MAGEB16: variants seen among roughly 807,000 people sequenced by gnomAD.
MAGEB16 encodes the protein MAGE family member B16.
For missense variants in MAGEB16, 217 were observed against 234.0 expected (o/e 0.93, Z 0.47); for synonymous variants, 95 against 92.1 (o/e 1.03, Z -0.18).
chrX:35,798,466 C>T (rs1934832270), intron 1 of MAGEB16, 48 bp downstream of exon 1: 1 of 111,504 alleles, frequency 9.0e-6, no homozygotes, highest in African/African-American at 3.3e-5. Flanking sequence ...AGATAAGAGC[C>T]CCAGGCCCTG....
intron 1 of MAGEB16, chrX:35,800,708 C>A: frequency 2.2e-6 from 1 of 459,137 alleles, no homozygotes; most frequent in South Asian, 3.2e-5. Context: ...ATTTCCTGTT[C>A]AGTGAACTCA....
chrX:35,802,131 G>T, exon 2 of MAGEB16: 1 of 1,182,354 alleles, frequency 8.5e-7, no homozygotes, highest in Non-Finnish European at 1.1e-6. Context: ...TCTCCCTTAG[G>T]CAGTGATTCT....
At position 35,802,924 on chromosome X, in the gene MAGEB16, T is replaced by C. The variant is rs202245049; in HGVS notation, c.728T>C (p.Phe243Ser). The change falls in exon 2 of 2, where the codon TTT becomes TCT. Residue 243 changes from phenylalanine (F) to serine (S), a missense_variant. Coordinates refer to ENST00000399988, the Ensembl canonical transcript of MAGEB16. ...TATTCTGGGAAGAAGCACTTCATCT[T>C]TGGAGAGCCCAGAATGCTCATCACC... 630 of 1,210,312 alleles carry C rather than the reference T, an allele frequency of 5.2e-4. No homozygotes were observed. Among genetic ancestry groups the C allele is most frequent in the Non-Finnish European group, 6.4e-4 (575 of 895,360 alleles).
intron 1 of MAGEB16, chrX:35,798,675 G>A (rs1233096703): frequency 8.9e-6 from 1 of 111,820 alleles, no homozygotes; most frequent in African/African-American, 3.3e-5. Context: ...GAACATTGGC[G>A]GACACACTGA....
chrX:35,802,080 G>A (rs1038716122), intron 1 of MAGEB16, 51 bp from the exon 2 acceptor site: 22 of 938,297 alleles, frequency 2.3e-5, no homozygotes, highest in Middle Eastern at 5.4e-4. Flanking sequence ...CAGAGCTACC[G>A]CAGTTGAGTT....
At chrX:35,799,076 G>T (rs1400617052) in intron 1 of MAGEB16, among the ~76,000 whole-genome samples, 1 of 105,372 alleles carries the variant, frequency 9.5e-6, no homozygotes, top group Admixed American at 1.0e-4. Context: ...TAGAGACGGG[G>T]TTTCACCGTT....
At chrX:35,803,466 G>T in exon 2 of MAGEB16, 1 of 234,050 alleles carries the variant, frequency 4.3e-6, no homozygotes, top group Non-Finnish European at 8.1e-6. Flanking sequence ...CTTAAGTTTT[G>T]AATAATATTG....
chrX:35,799,176 C>T (rs2073976719), intron 1 of MAGEB16, among the ~76,000 whole-genome samples: 1 of 110,043 alleles, frequency 9.1e-6, no homozygotes, highest in Non-Finnish European at 1.9e-5. Context: ...GCCACTGCGC[C>T]CGGCCTCTGA....
chrX:35,802,782 G>A, exon 2 of MAGEB16: 1 of 1,211,425 alleles, frequency 8.3e-7, no homozygotes, highest in Admixed American at 2.2e-5. Context: ...GATGCTGAGT[G>A]GTGAAAAGGG....
At chrX:35,802,514 G>A in exon 2 of MAGEB16, 3 of 1,211,349 alleles carry the variant, frequency 2.5e-6, no homozygotes, top group South Asian at 3.5e-5. Context: ...CAGACCCCAG[G>A]AATGTGCCCG....
chrX:35,803,388 T>C, exon 2 of MAGEB16: 1 of 334,233 alleles, frequency 3.0e-6, no homozygotes, highest in Non-Finnish European at 5.3e-6. Flanking sequence ...TTTATTCTTT[T>C]ATTTTTTAAT....
chrX:35,803,206 G>T (rs777240463), exon 2 of MAGEB16: 54 of 1,105,087 alleles, frequency 4.9e-5, no homozygotes, highest in Non-Finnish European at 6.2e-5. Flanking sequence ...GCCACTGTGA[G>T]TTCCAGTGCT....
chrX:35,799,283 T>C (rs1309135322), intron 1 of MAGEB16, among the ~76,000 whole-genome samples: 1 of 111,002 alleles, frequency 9.0e-6, no homozygotes. Context: ...AGGCGTTTGC[T>C]CATTTCCTTT....
At chrX:35,800,758 C>T (rs762197916) in intron 1 of MAGEB16, among the ~76,000 whole-genome samples, 9 of 111,218 alleles carry the variant, frequency 8.1e-5, no homozygotes, top group Non-Finnish European at 1.7e-4. Flanking sequence ...GATATCAGGT[C>T]CCAGATGCTT....
In MAGEB16 at chrX:35,803,026, G is replaced by A. The variant is rs373145014; in HGVS notation, c.830G>A (p.Trp277Ter). 10 of 1,210,359 alleles carry A rather than the reference G, an allele frequency of 8.3e-6. No individual in the cohort carries two copies. The highest frequency in any genetic ancestry group is 1.1e-5 in the Non-Finnish European group (10 of 895,279). ...GATCCTGCACGATATGAATTCCTGT[G>A]GGGCCCAAGAGCCAAAGCTGAAACC... The change falls in exon 2 of 2, where the codon TGG becomes TAG. Residue 277 changes from tryptophan (W) to a stop codon, truncating the protein, a stop_gained. Coordinates refer to ENST00000399988, the Ensembl canonical transcript of MAGEB16. LOFTEE classifies it low-confidence loss of function (END_TRUNC).
intron 1 of MAGEB16, among the ~76,000 whole-genome samples, chrX:35,801,051 G>A (rs1409653439): frequency 2.7e-5 from 3 of 111,604 alleles, no homozygotes; most frequent in Non-Finnish European, 3.8e-5. Flanking sequence ...CACTGGGCAG[G>A]GATCATGTGA....
Position 35,802,066 on chromosome X carries a change from C to T in MAGEB16, c.-66-65C>T, listed in dbSNP as rs770544215. The T allele has an allele frequency of 6.1e-5, 49 of 796,844 alleles. No homozygotes were observed. The African/African-American group carries it at 9.6e-4, about 16-fold the overall frequency. The allele number at this position is 796,844 out of a possible 1,213,427, so 65.7% of individuals were successfully genotyped here. On this transcript the variant is annotated intron_variant, in intron 1 of 1. Transcript: ENST00000399988. Reference sequence around the variant, plus strand: ...AGGAGAAGTCTATAGGCAGTGGCTTCCATCAGAGCTACCGCAGTTGAGTTT... The same window carrying T: ...AGGAGAAGTCTATAGGCAGTGGCTTTCATCAGAGCTACCGCAGTTGAGTTT...
exon 2 of MAGEB16, chrX:35,802,631 A>G (rs1244344564): frequency 5.0e-6 from 6 of 1,208,042 alleles, no homozygotes; most frequent in Non-Finnish European, 5.6e-6. Context: ...TTATCATCAA[A>G]GATGATGAGA....
At position 35,803,160 on chromosome X, in the gene MAGEB16, G is replaced by A. The variant is rs765358907; in HGVS notation, c.964G>A (p.Ala322Thr). The A allele has an allele frequency of 1.8e-5, 21 of 1,172,064 alleles. No homozygotes were observed. Among genetic ancestry groups the A allele is most frequent in the Admixed American group, 2.4e-5 (1 of 41,274 alleles). Reference sequence around the variant, plus strand: ...GAAAGAGGAAGAAGAGAGAGCTAGAGCCAGAATTTGAGTCAGGGCTGACTC... The same window carrying A: ...GAAAGAGGAAGAAGAGAGAGCTAGAACCAGAATTTGAGTCAGGGCTGACTC... The change falls in exon 2 of 2, where the codon GCC (alanine) becomes ACC (threonine). Residue 322 changes from alanine to threonine, a missense_variant. Coordinates refer to ENST00000399988, the Ensembl canonical transcript of MAGEB16.
Sources: gnomAD v4.1 joint callset for allele counts (sites outside exome capture counted in the v4.1 genomes callset) on GRCh38, gnomAD v4.1.1 for gene constraint, MANE v1.5 for transcripts, NCBI Gene and HGNC (gene_info 2026-07-23, HGNC 2026-07-21) for gene names.